Variants in KCNQ1 observed in about 807,000 individuals in gnomAD.
The protein encoded by KCNQ1 is potassium voltage-gated channel subfamily Q member 1.
A neutral mutation model predicts 72.4 loss-of-function variants in KCNQ1; 49 were observed. The ratio of observed to expected loss-of-function variants is 0.68; its 90% CI spans 0.54 to 0.86. The LOEUF (loss-of-function observed/expected upper bound fraction) is 0.86. KCNQ1 is among the 40% of genes least tolerant of loss of function. KCNQ1 has a pLI of 0.00. For synonymous variants in KCNQ1, 450 were observed against 412.6 expected (o/e 1.09, Z -1.10); for missense variants, 790 against 945.1 (o/e 0.84, Z 2.15).
intron 1 of KCNQ1, among the ~76,000 whole-genome samples, chr11:2,499,388 G>A (rs960899216): frequency 2.0e-5 from 3 of 152,092 alleles, no homozygotes; most frequent in Non-Finnish European, 4.4e-5. Flanking sequence ...CAGAAGGGAA[G>A]TAACAAAGGA....
intron 11 of KCNQ1, among the ~76,000 whole-genome samples, chr11:2,743,825 A>G (rs1009540707): frequency 1.3e-5 from 2 of 152,250 alleles, no homozygotes; most frequent in East Asian, 1.9e-4. Flanking sequence ...GGACTGCCTC[A>G]GAAAGGAATC....
rs186147441 is a variant in KCNQ1, at chr11:2,733,931, C to T, written c.1515-34913C>T. Among the ~76,000 whole-genome samples the T allele has an allele frequency of 3.7e-3, 566 of 151,106 alleles. 20 individuals are homozygous for T. Among genetic ancestry groups the T allele is most frequent in the Admixed American group, 0.034 (516 of 15,168 alleles). On this transcript the variant is annotated intron_variant, in intron 11 of 15. Transcript: ENST00000155840. ...GCGCACCACCCCCGAAACATGCACA[C>T]GCTCTCCTCTTCCCTGCTTAATCCT... is the stretch of plus-strand genomic sequence containing the variant.
rs553277740 is a variant in KCNQ1 at position 2,769,519 on chromosome 11, G to T, written c.1590+600G>T. Among the ~76,000 whole-genome samples, 10 of 152,320 alleles carry T rather than the reference G, an allele frequency of 6.6e-5. No individual in the cohort carries two copies. The South Asian group carries it at 2.1e-3, about 32-fold the overall frequency. ...CCAGGGGCATGTCCCCCCTACAGAA[G>T]CCCCTTAGAGCCCCCAGAGTCCATG... On this transcript the variant is annotated intron_variant, in intron 12 of 15. Coordinates refer to ENST00000155840, the MANE Select transcript of KCNQ1 (RefSeq NM_000218.3). The surrounding 1 kb of genome is among the most constrained non-coding windows in gnomAD (Gnocchi z 4.6).
At chr11:2,819,263 C>T (rs1847683863) in intron 15 of KCNQ1, among the ~76,000 whole-genome samples, 1 of 152,168 alleles carries the variant, frequency 6.6e-6, no homozygotes, top group African/African-American at 2.4e-5. Flanking sequence ...CTATGCCTGC[C>T]CATGTGCTGA....
chr11:2,770,726 G>A (rs1458270578), intron 12 of KCNQ1, among the ~76,000 whole-genome samples: 3 of 152,258 alleles, frequency 2.0e-5, no homozygotes, highest in African/African-American at 7.2e-5. Context: ...GGGGAGATCT[G>A]ACAGCCCCTG....
In KCNQ1 at chr11:2,750,010, T is replaced by C. The variant is rs1846202620; in HGVS notation, c.1515-18834T>C. Among the ~76,000 whole-genome samples, 1 of 149,360 alleles carries C rather than the reference T, an allele frequency of 6.7e-6. No individual in the cohort carries two copies. The highest frequency in any genetic ancestry group is 2.1e-4 in the South Asian group (1 of 4,734). On this transcript the variant is annotated intron_variant, in intron 11 of 15. Coordinates refer to ENST00000155840, the MANE Select transcript of KCNQ1 (RefSeq NM_000218.3). The surrounding 1 kb of genome is among the most constrained non-coding windows in gnomAD (Gnocchi z 6.3). The stretch of plus-strand genomic sequence containing the variant: ...GGGGCTCTACACGGCGCCCTGAGAA[T>C]TGTGTGTAAATGAGTGAAAATGGGG...
In KCNQ1 at chr11:2,563,860, C is replaced by T. The variant is rs897921611; in HGVS notation, c.478-6768C>T. ...ATGCCATTTTGCAATTGACAAATGG[C>T]TTGTGCTTAGCTATTTCGTTGAATG... is the stretch of plus-strand genomic sequence containing the variant. On this transcript the variant is annotated intron_variant, in intron 2 of 15. Coordinates refer to ENST00000155840, the MANE Select transcript of KCNQ1 (RefSeq NM_000218.3). The surrounding 1 kb of genome is among the most constrained non-coding windows in gnomAD (Gnocchi z 7.4). 1.3e-5 allele frequency among the ~76,000 whole-genome samples: 2 copies of T among 152,222 alleles called. No individual in the cohort carries two copies. The highest frequency in any genetic ancestry group is 4.8e-5 in the African/African-American group (2 of 41,464).
intron 10 of KCNQ1, chr11:2,622,849 G>A (rs751109509): frequency 4.8e-5 from 19 of 398,492 alleles, no homozygotes; most frequent in Non-Finnish European, 7.1e-5. Flanking sequence ...AGAGTGGCAC[G>A]TTTGTTACAA....
intron 11 of KCNQ1, chr11:2,681,123 G>A (rs1850389685): frequency 2.5e-6 from 1 of 398,444 alleles, no homozygotes; most frequent in African/African-American, 2.1e-5. Flanking sequence ...CCCCAAAAAA[G>A]CACCTATGAA....
At position 2,492,317 on chromosome 11, in the gene KCNQ1, TAAA is replaced by T. The variant is rs1846849265; in HGVS notation, c.387-35608_387-35606del. Among the ~76,000 whole-genome samples the T allele has an allele frequency of 6.6e-6, 1 of 152,176 alleles. No homozygotes were observed. The highest frequency in any genetic ancestry group is 6.5e-5 in the Admixed American group (1 of 15,284). Reference sequence around the variant, plus strand: ...AATAAGATATAGAGACAAAAAAACTTAAAAAGCGGAGAGACAAAAGTTGAAGTG... The same window carrying T: ...AATAAGATATAGAGACAAAAAAACTTAAGCGGAGAGACAAAAGTTGAAGTG... On this transcript the variant is annotated intron_variant, in intron 1 of 15. Transcript: ENST00000155840. This position sits in a 1 kb window ranked among gnomAD's most constrained non-coding sequence, Gnocchi z 4.1.
chr11:2,684,273 T>G, intron 11 of KCNQ1: 1 of 398,178 alleles, frequency 2.5e-6, no homozygotes, highest in Non-Finnish European at 4.4e-6. Flanking sequence ...AAAAGGGGAG[T>G]TGGTTAGGCT....
chr11:2,745,356 G>C lies in KCNQ1; in HGVS notation c.1515-23488G>C, dbSNP rs1283387881. On this transcript the variant is annotated intron_variant, in intron 11 of 15. Coordinates refer to ENST00000155840, the MANE Select transcript of KCNQ1 (RefSeq NM_000218.3). The surrounding 1 kb of genome is among the most constrained non-coding windows in gnomAD (Gnocchi z 6.2). Reference sequence around the variant, plus strand: ...TTCCTGAAAGGGCTGGTGGGGTCTTGCTTCCATTATTCCTGGATGAGACCT... The same window carrying C: ...TTCCTGAAAGGGCTGGTGGGGTCTTCCTTCCATTATTCCTGGATGAGACCT... 1.3e-5 allele frequency among the ~76,000 whole-genome samples: 2 copies of C among 152,216 alleles called. No individual in the cohort carries two copies. Among genetic ancestry groups the C allele is most frequent in the Non-Finnish European group, 1.5e-5 (1 of 68,014 alleles).
At position 2,484,789 on chromosome 11, in the gene KCNQ1, G is replaced by A. The variant is rs980623255; in HGVS notation, c.386+39305G>A. Among the ~76,000 whole-genome samples, 3 of 152,172 alleles carry A rather than the reference G, an allele frequency of 2.0e-5. No homozygotes were observed. Among genetic ancestry groups the A allele is most frequent in the Non-Finnish European group, 2.9e-5 (2 of 68,030 alleles). On this transcript the variant is annotated intron_variant, in intron 1 of 15. Transcript: ENST00000155840. The surrounding 1 kb of genome is among the most constrained non-coding windows in gnomAD (Gnocchi z 5.2). ...GGGAATATGTGTATGGCACCCCCAC[G>A]TCTACGCTTCTGTGTTCATCTGCAG...
chr11:2,523,276 C>T (rs928407672), intron 1 of KCNQ1, among the ~76,000 whole-genome samples: 10 of 152,004 alleles, frequency 6.6e-5, no homozygotes. Flanking sequence ...TCACTGCAAC[C>T]TCCACCTCCC....
chr11:2,834,626 A>G (rs1848023665), intron 15 of KCNQ1, among the ~76,000 whole-genome samples: 1 of 152,160 alleles, frequency 6.6e-6, no homozygotes, highest in Non-Finnish European at 1.5e-5. Context: ...GAGGCGCTTG[A>G]TGTCGGATGG....
intron 10 of KCNQ1, chr11:2,639,277 G>A (rs930154931): frequency 6.6e-5 from 10 of 152,202 alleles, no homozygotes; most frequent in African/African-American, 2.4e-4. Flanking sequence ...TCCTTTGGAT[G>A]GGGAGAGGTG....
rs546242344 is a variant in KCNQ1 at position 2,677,831 on chromosome 11, C to T, written c.1514+15750C>T. On this transcript the variant is annotated intron_variant, in intron 11 of 15. Transcript: ENST00000155840. This position sits in a 1 kb window ranked among gnomAD's most constrained non-coding sequence, Gnocchi z 4.5. ...TCATTTATGTTGTGATAGATACTGC[C>T]AAATAAGGGCTGTACCATTTACATC... 3 of 398,476 alleles carry T rather than the reference C, an allele frequency of 7.5e-6. No individual in the cohort carries two copies. The highest frequency in any genetic ancestry group is 1.3e-5 in the Non-Finnish European group (3 of 226,032). 24.7% of individuals were successfully genotyped at this position (398,476 alleles called of 1,614,324 possible). A position where few individuals can be genotyped will look rare whatever the true frequency, so the allele number is the denominator to read the frequency against.
In KCNQ1 at chr11:2,601,178, C is replaced by A. The variant is rs1031897996; in HGVS notation, c.1393+12324C>A. Among the ~76,000 whole-genome samples the A allele has an allele frequency of 6.6e-6, 1 of 151,746 alleles. No homozygotes were observed. The highest frequency in any genetic ancestry group is 1.5e-5 in the Non-Finnish European group (1 of 67,986). On this transcript the variant is annotated intron_variant, in intron 10 of 15. Transcript: ENST00000155840. This position sits in a 1 kb window ranked among gnomAD's most constrained non-coding sequence, Gnocchi z 5.2. ...AAAAATGATCATTTTCCAACTCTAG[C>A]ACCCCTTCCACGAAAGTACAGAAAG...
rs567303334 is a variant in KCNQ1 at position 2,489,323 on chromosome 11, A to C, written c.387-38605A>C. On this transcript the variant is annotated intron_variant, in intron 1 of 15. Transcript: ENST00000155840. ...CAGAAAGCAGAACCAGGCTAAATTC[A>C]GCCCACACCCAGCACAGAGGGAGCA... 3.3e-5 allele frequency among the ~76,000 whole-genome samples: 5 copies of C among 152,314 alleles called. No homozygotes were observed. In the South Asian group the frequency reaches 6.2e-4, roughly 19 times the overall value.
Sources: gnomAD v4.1 joint callset for allele counts (sites outside exome capture counted in the v4.1 genomes callset) on GRCh38, gnomAD v4.1.1 for gene constraint, Gnocchi (gnomAD v3.1) non-coding constraint, MANE v1.5 for transcripts, NCBI Gene and HGNC (gene_info 2026-07-23, HGNC 2026-07-21) for gene names.